Variants in LARP1 observed in about 807,000 individuals in gnomAD.
LARP1 encodes la-related protein 1.
Under a neutral mutation model 122.7 loss-of-function variants are expected in LARP1, and 36 were observed. The ratio of observed to expected loss-of-function variants is 0.29; its 90% CI spans 0.22 to 0.39. The LOEUF is 0.39. Ranked by LOEUF, LARP1 falls within the 10% of genes least tolerant of loss-of-function variation. The pLI is 1.00. For synonymous variants in LARP1, 539 were observed against 528.7 expected, an observed-to-expected ratio of 1.02 and a Z score of -0.27; for missense variants, 1,040 against 1,403.6, an observed-to-expected ratio of 0.74 and a Z score of 4.14.
chr5:154,722,880 C>T (rs1755966340), intron 1 of LARP1, among the ~76,000 whole-genome samples: 1 of 152,126 alleles, frequency 6.6e-6, no homozygotes, highest in Non-Finnish European at 1.5e-5. Flanking sequence ...GGGGTTTTAT[C>T]ATGTTGGCCA....
At position 154,814,303 on chromosome 5, in the gene LARP1, C is replaced by CA; in HGVS notation, c.*207_*208insA. On this transcript the variant is annotated 3_prime_UTR_variant, in exon 19 of 19. Coordinates refer to ENST00000518297, the MANE Select transcript of LARP1 (RefSeq NM_033551.3). The stretch of plus-strand genomic sequence containing the variant: ...GCCTCTACATCCCCTTCCCCCTCCT[C>CA]TCTCCATGACTCTTGACATCCTAGC... The CA allele has an allele frequency of 2.0e-6, 1 of 494,784 alleles. No homozygotes were observed. The allele number at this position is 494,784 out of a possible 1,614,324, so 30.6% of individuals were successfully genotyped here.
chr5:154,733,920 C>T (rs1304713873), intron 1 of LARP1, among the ~76,000 whole-genome samples: 1 of 152,066 alleles, frequency 6.6e-6, no homozygotes, highest in African/African-American at 2.4e-5. Context: ...TAACTCAGCA[C>T]TTTGGGAGGC....
In LARP1 at chr5:154,802,120, C is replaced by T. The variant is rs373845474; in HGVS notation, c.1830C>T (p.Asp610=). The T allele has an allele frequency of 6.9e-5, 111 of 1,614,138 alleles. 1 individual carries two copies. In the South Asian group the frequency reaches 8.9e-4, roughly 13 times the overall value. ...AAGAGGAACTGGATTTTCTGTTTGA[C>T]GAGGAGATGGAGCAGATGGATGGGC... ...DEQEELDFLF[D]EEMEQMDGRK... is the part of the protein sequence containing the mutation. The change falls in exon 11 of 19, where the codon GAC becomes GAT. Residue 610 remains aspartate (D), a synonymous_variant. Coordinates refer to ENST00000518297, the MANE Select transcript of LARP1 (RefSeq NM_033551.3). The surrounding 1 kb of genome is among the most constrained non-coding windows in gnomAD (Gnocchi z 5.1).
chr5:154,753,732 G>C (rs990596570), upstream of LARP1, among the ~76,000 whole-genome samples: 5 of 152,312 alleles, frequency 3.3e-5, no homozygotes, highest in African/African-American at 1.2e-4. Context: ...GCTGGCCAAG[G>C]CTTGGAGGCT....
Position 154,814,294 on chromosome 5 carries a change from C to A in LARP1, c.*198C>A. The A allele has an allele frequency of 1.9e-6, 1 of 537,660 alleles. No homozygotes were observed. 33.3% of individuals were successfully genotyped at this position (537,660 alleles called of 1,614,324 possible). Reference sequence around the variant, plus strand: ...TGGGCAGGAGCCTCTACATCCCCTTCCCCCTCCTCTCTCCATGACTCTTGA... The same window carrying A: ...TGGGCAGGAGCCTCTACATCCCCTTACCCCTCCTCTCTCCATGACTCTTGA... On this transcript the variant is annotated 3_prime_UTR_variant, in exon 19 of 19. Transcript: ENST00000518297.
intron 1 of LARP1, among the ~76,000 whole-genome samples, chr5:154,724,491 C>G (rs1164126530): frequency 6.6e-6 from 1 of 152,130 alleles, no homozygotes; most frequent in Non-Finnish European, 1.5e-5. Flanking sequence ...AGCTGTTATC[C>G]ATTTGTTTAA....
intron 1 of LARP1, among the ~76,000 whole-genome samples, chr5:154,742,736 A>G (rs1182633707): frequency 6.6e-6 from 1 of 151,678 alleles, no homozygotes; most frequent in Admixed American, 6.6e-5. Flanking sequence ...TCTCAAAAAA[A>G]AAAAAAAAGA....
chr5:154,756,908 A>G (rs1753978342), intron 1 of LARP1, among the ~76,000 whole-genome samples: 1 of 151,658 alleles, frequency 6.6e-6, no homozygotes, highest in Non-Finnish European at 1.5e-5. Context: ...GGTTGGCGGA[A>G]AATGTGAGGC....
At chr5:154,749,229 G>A (rs1052743918) in intron 1 of LARP1, among the ~76,000 whole-genome samples, 19 of 152,144 alleles carry the variant, frequency 1.2e-4, no homozygotes, top group African/African-American at 4.1e-4. Context: ...AGCCCATCAC[G>A]GGACAACTTG....
chr5:154,802,581 G>A lies in LARP1; in HGVS notation c.2109+182G>A, dbSNP rs1758436059. ...TTGGGCATTAGGAGTGAGGGGTGAT[G>A]TGTAAACACTGCAAACTCTTCAGGT... On this transcript the variant is annotated intron_variant, in intron 11 of 18. Coordinates refer to ENST00000518297, the MANE Select transcript of LARP1 (RefSeq NM_033551.3). The surrounding 1 kb of genome is among the most constrained non-coding windows in gnomAD (Gnocchi z 5.1). Among the ~76,000 whole-genome samples the A allele has an allele frequency of 6.6e-6, 1 of 152,186 alleles. No individual in the cohort carries two copies. The highest frequency in any genetic ancestry group is 1.5e-5 in the Non-Finnish European group (1 of 68,026).
chr5:154,692,440 T>A (rs910015351), intron 1 of LARP1, among the ~76,000 whole-genome samples: 1 of 152,150 alleles, frequency 6.6e-6, no homozygotes, highest in Non-Finnish European at 1.5e-5. Context: ...CCTAAGTGCT[T>A]GTTATTATAA....
rs189006992 is a variant in LARP1, at chr5:154,805,308, T to C, written c.2547-573T>C. ...AAGGTCTTCATCGTCGTGGTCTTCA[T>C]GTTTAGCAGGCTGAGAAGGAGGGGT... On this transcript the variant is annotated intron_variant, in intron 14 of 18. Transcript: ENST00000518297. 14 of 216,454 alleles carry C rather than the reference T, an allele frequency of 6.5e-5. 1 individual carries two copies. In the East Asian group the frequency reaches 1.7e-3, roughly 27 times the overall value. The allele number at this position is 216,454 out of a possible 1,614,324, so 13.4% of individuals were successfully genotyped here. A position where few individuals can be genotyped will look rare whatever the true frequency, so the allele number is the denominator to read the frequency against.
chr5:154,711,107 C>T (rs970101257), upstream of LARP1, among the ~76,000 whole-genome samples: 4 of 151,036 alleles, frequency 2.6e-5, no homozygotes, highest in Admixed American at 2.0e-4. Context: ...CTACATATTC[C>T]GTCAGTGTCA....
intron 1 of LARP1, among the ~76,000 whole-genome samples, chr5:154,767,452 C>T (rs946089081): frequency 2.0e-5 from 3 of 152,138 alleles, no homozygotes; most frequent in African/African-American, 7.2e-5. Context: ...TGAGTATACA[C>T]AGGAAGGTAG....
intron 1 of LARP1, among the ~76,000 whole-genome samples, chr5:154,726,850 G>C (rs1039946397): frequency 1.1e-4 from 16 of 152,204 alleles, no homozygotes; most frequent in Non-Finnish European, 2.1e-4. Context: ...TCCGTACAGG[G>C]CAGCAGGAGA....
intron 1 of LARP1, among the ~76,000 whole-genome samples, chr5:154,741,140 A>G (rs1752861750): frequency 6.6e-6 from 1 of 152,026 alleles, no homozygotes; most frequent in African/African-American, 2.4e-5. Flanking sequence ...AAATCAGTGC[A>G]CTCAGTGCAG....
intron 1 of LARP1, among the ~76,000 whole-genome samples, chr5:154,761,821 C>G (rs951545964): frequency 6.6e-6 from 1 of 152,200 alleles, no homozygotes; most frequent in Non-Finnish European, 1.5e-5. Flanking sequence ...TCTCTCTGCT[C>G]TCACTTTGTG....
intron 1 of LARP1, among the ~76,000 whole-genome samples, chr5:154,776,001 T>C (rs891759713): frequency 7.2e-5 from 11 of 152,304 alleles, no homozygotes; most frequent in Middle Eastern, 3.4e-3. Flanking sequence ...CCATTATTAC[T>C]ATTATTAGTA....
chr5:154,776,441 C>G (rs961264988), intron 1 of LARP1, among the ~76,000 whole-genome samples: 2 of 152,180 alleles, frequency 1.3e-5, no homozygotes, highest in Non-Finnish European at 2.9e-5. Flanking sequence ...TCCTGCACCT[C>G]TCTTCTGGCT....
Sources: allele counts gnomAD v4.1 joint callset (sites outside exome capture counted in the v4.1 genomes callset), GRCh38; gene constraint gnomAD v4.1.1; non-coding constraint Gnocchi (gnomAD v3.1); transcripts MANE v1.5; gene names NCBI Gene and HGNC (gene_info 2026-07-23, HGNC 2026-07-21).